The following CDYL variants were observed in gnomAD, a reference collection of about 807,000 sequenced individuals.
CDYL encodes the protein chromodomain Y like.
A neutral mutation model predicts 47.3 loss-of-function variants in CDYL; 8 were observed. The ratio of observed to expected loss-of-function variants is 0.17; its 90% CI spans 0.10 to 0.31. The LOEUF (loss-of-function observed/expected upper bound fraction) is 0.31, where lower values mean the gene tolerates loss of function less well. Ranked by LOEUF, CDYL falls within the 10% of genes least tolerant of loss-of-function variation. The pLI, the probability that CDYL is intolerant of heterozygous loss-of-function variation, is 1.00. For missense variants in CDYL, 471 were observed against 701.4 expected (o/e 0.67, Z 3.71); for synonymous variants, 266 against 265.0 (o/e 1.00, Z -0.04).
At chr6:4,811,400 T>C (rs1003648363) in intron 1 of CDYL, among the ~76,000 whole-genome samples, 1 of 152,194 alleles carries the variant, frequency 6.6e-6, no homozygotes, top group African/African-American at 2.4e-5. Context: ...CTGTCACTGC[T>C]AGCTTATTGG....
At chr6:4,885,188 C>A (rs1761868909) in intron 1 of CDYL, among the ~76,000 whole-genome samples, 1 of 152,002 alleles carries the variant, frequency 6.6e-6, no homozygotes, top group South Asian at 2.1e-4. Context: ...GAGATGGGGT[C>A]TTGCTATGTT....
chr6:4,760,912 C>T (rs1261381794), intron 3 of CDYL, among the ~76,000 whole-genome samples: 6 of 152,090 alleles, frequency 3.9e-5, no homozygotes, highest in Non-Finnish European at 7.4e-5. Flanking sequence ...GCATCCCAAC[C>T]CCCGTAGATA....
At chr6:4,899,569 C>T (rs80089185) in intron 2 of CDYL, among the ~76,000 whole-genome samples, 2,052 of 152,234 alleles carry the variant, frequency 0.013, 35 homozygotes, top group African/African-American at 0.044. Flanking sequence ...CTGTTGATGC[C>T]GTCTCGGCCC....
chr6:4,724,605 TC>T (rs1484771049), intron 2 of CDYL: 1 of 152,594 alleles, frequency 6.6e-6, no homozygotes, highest in Admixed American at 6.5e-5. Context: ...GTTTGGAGTT[TC>T]TTCCTTCTGA....
At chr6:4,739,326 T>C (rs1255073042) in intron 3 of CDYL, among the ~76,000 whole-genome samples, 5 of 151,924 alleles carry the variant, frequency 3.3e-5, no homozygotes, top group Non-Finnish European at 2.9e-5. Context: ...AAGACCAGCC[T>C]GGCTAACATG....
intron 1 of CDYL, among the ~76,000 whole-genome samples, chr6:4,837,756 C>T (rs563364008): frequency 8.0e-5 from 12 of 150,638 alleles, no homozygotes; most frequent in South Asian, 4.2e-4. Context: ...TGAGCCACCG[C>T]GCCCGGCCTC....
upstream of CDYL, chr6:4,773,027 T>G (rs1485803570): frequency 4.8e-6 from 2 of 418,802 alleles, no homozygotes; most frequent in Non-Finnish European, 4.8e-6. The surrounding 1 kb of genome is among the most constrained non-coding windows in gnomAD (Gnocchi z 4.6). Flanking sequence ...GATTTCAGGT[T>G]TTAGTTATCA....
intron 1 of CDYL, among the ~76,000 whole-genome samples, chr6:4,885,660 A>G (rs1180599106): frequency 6.6e-6 from 1 of 152,176 alleles, no homozygotes. Context: ...AGACCCTTCA[A>G]ATTTCCTTTT....
chr6:4,874,556 G>A (rs894836316), intron 1 of CDYL, among the ~76,000 whole-genome samples: 4 of 152,296 alleles, frequency 2.6e-5, no homozygotes, highest in African/African-American at 9.6e-5. Flanking sequence ...GCGCTGCCTA[G>A]CCTCCTTTCT....
At chr6:4,804,681 G>A (rs1759320818) in intron 1 of CDYL, among the ~76,000 whole-genome samples, 1 of 152,200 alleles carries the variant, frequency 6.6e-6, no homozygotes, top group Non-Finnish European at 1.5e-5. Context: ...GACTGTCATA[G>A]AGACCGCTGC....
At chr6:4,947,880 C>T (rs953379214) in intron 5 of CDYL, among the ~76,000 whole-genome samples, 2 of 152,148 alleles carry the variant, frequency 1.3e-5, no homozygotes, top group African/African-American at 4.8e-5. Flanking sequence ...CTGGGAAGAG[C>T]GGTCCATGGG....
rs202111208 is a variant in CDYL, at chr6:4,803,779, ACTTCT to A, written c.24+26977_24+26981del. Among the ~76,000 whole-genome samples, 1,194 of 134,232 alleles carry A rather than the reference ACTTCT, an allele frequency of 8.9e-3. 19 individuals carry two copies. The highest frequency in any genetic ancestry group is 0.032 in the African/African-American group (1,145 of 35,504). The allele number at this position is 134,232 out of a possible 152,430, so 88.1% of individuals were successfully genotyped here. ...AGTTTTCATCTTTATTTTCCTGATG[ACTTCT>A]CTTCATTCTAGCTTGTAAATGATGT... On this transcript the variant is annotated intron_variant, in intron 1 of 6. Transcript: ENST00000397588.
intron 1 of CDYL, among the ~76,000 whole-genome samples, chr6:4,842,707 T>C (rs993495423): frequency 4.6e-5 from 7 of 152,202 alleles, no homozygotes; most frequent in African/African-American, 1.2e-4. Flanking sequence ...TGAATTCTTA[T>C]CCATTCTGCC....
At chr6:4,952,149 T>G in intron 5 of CDYL, 117 bp from the exon 6 acceptor site, 4 of 1,229,410 alleles carry the variant, frequency 3.3e-6, no homozygotes, top group Admixed American at 2.5e-5. Flanking sequence ...ATGTGCCCCA[T>G]TTCCCTGCGG....
chr6:4,900,819 A>AGATATATC, intron 2 of CDYL, among the ~76,000 whole-genome samples: 1 of 85,090 alleles, frequency 1.2e-5, no homozygotes, highest in African/African-American at 4.1e-5. Flanking sequence ...ATATATATAT[A>AGATATATC]TATATATATA....
intron 2 of CDYL, among the ~76,000 whole-genome samples, chr6:4,921,870 T>C (rs1016881255): frequency 3.3e-5 from 5 of 152,162 alleles, no homozygotes; most frequent in Non-Finnish European, 7.3e-5. Context: ...TGAGAGTCAG[T>C]TAGAATCCCA....
chr6:4,832,376 A>G (rs1760172488), intron 1 of CDYL, among the ~76,000 whole-genome samples: 1 of 151,312 alleles, frequency 6.6e-6, no homozygotes, highest in African/African-American at 2.5e-5. Context: ...GCTGGATTAC[A>G]TTTATTGATT....
rs1757010734 is a variant in CDYL, at chr6:4,900,782, T to TATAC, written c.691+8406_691+8407insCATA. On this transcript the variant is annotated intron_variant, in intron 2 of 6. Coordinates refer to ENST00000397588, the MANE Select transcript of CDYL (RefSeq NM_004824.4). Reference sequence around the variant, plus strand: ...TCTGTTAATTCCGTATACGTGTGTATATATATATATATATATATATATATA... The same window carrying TATAC: ...TCTGTTAATTCCGTATACGTGTGTATATACATATATATATATATATATATATATA... Among the ~76,000 whole-genome samples the TATAC allele has an allele frequency of 8.2e-5, 2 of 24,272 alleles. 1 individual carries two copies. The highest frequency in any genetic ancestry group is 1.4e-4 in the Non-Finnish European group (2 of 14,416). The allele number at this position is 24,272 out of a possible 152,430, so 15.9% of individuals were successfully genotyped here.
At chr6:4,809,404 G>A (rs913200393) in intron 1 of CDYL, among the ~76,000 whole-genome samples, 8 of 152,180 alleles carry the variant, frequency 5.3e-5, no homozygotes, top group African/African-American at 1.7e-4. Context: ...ATAAACTTGT[G>A]GATGTGTAGT....
Sources: allele counts gnomAD v4.1 joint callset (sites outside exome capture counted in the v4.1 genomes callset), GRCh38; gene constraint gnomAD v4.1.1; non-coding constraint Gnocchi (gnomAD v3.1); transcripts MANE v1.5; gene names NCBI Gene and HGNC (gene_info 2026-07-23, HGNC 2026-07-21).